CENPP: variants seen among roughly 807,000 people sequenced by gnomAD.
CENPP encodes centromere protein P.
Under a neutral mutation model 35.6 loss-of-function variants are expected in CENPP, and 24 were observed. The observed-to-expected ratio is 0.67, with a 90% CI of 0.49 to 0.95. CENPP has a LOEUF of 0.95. Ranked by LOEUF, CENPP falls within the 40% of genes least tolerant of loss-of-function variation. CENPP has a pLI of 0.00. For synonymous variants in CENPP, 120 were observed against 125.5 expected (o/e 0.96, Z 0.29); for missense variants, 332 against 345.3 (o/e 0.96, Z 0.31).
At chr9:92,325,893 T>C, upstream of CENPP, 2 of 922,124 alleles carry the variant, frequency 2.2e-6, no homozygotes, top group African/African-American at 1.7e-5. Context: ...GCGTGAGCTC[T>C]GGGATGGTCC....
chr9:92,575,902 T>C (rs1426944611), intron 5 of CENPP, among the ~76,000 whole-genome samples: 2 of 152,088 alleles, frequency 1.3e-5, no homozygotes, highest in Non-Finnish European at 2.9e-5. Flanking sequence ...CGCGCTGTTA[T>C]AGTAGGGATA....
At chr9:92,444,921 A>G (rs1323576991) in intron 5 of CENPP, among the ~76,000 whole-genome samples, 1 of 152,060 alleles carries the variant, frequency 6.6e-6, no homozygotes, top group Non-Finnish European at 1.5e-5. Context: ...CAGGCTGGGG[A>G]CCCTGGAGAG....
intron 5 of CENPP, among the ~76,000 whole-genome samples, chr9:92,502,884 T>G (rs1015832995): frequency 1.3e-5 from 2 of 148,530 alleles, no homozygotes; most frequent in African/African-American, 2.5e-5. Flanking sequence ...CATGGCTCAC[T>G]GCAGCCTTGA....
At chr9:92,457,580 CT>C in intron 5 of CENPP, 1 of 897,018 alleles carries the variant, frequency 1.1e-6, no homozygotes, top group Non-Finnish European at 1.7e-6. Context: ...GTTTATTCAT[CT>C]GTTTATTTTA....
chr9:92,465,111 A>G, intron 5 of CENPP: 1 of 928,024 alleles, frequency 1.1e-6, no homozygotes, highest in South Asian at 1.4e-5. Context: ...ACATCCCAAG[A>G]ATGAATATCC....
At position 92,465,130 on chromosome 9, in the gene CENPP, G is replaced by A. The variant is rs140658451; in HGVS notation, c.564+85271G>A. ...CCCAAGAATGAATATCCCAAGAAGCGTGAGCTTCATCCTTTAGGCTCATTT... is the reference window on the plus strand; with the variant it reads ...CCCAAGAATGAATATCCCAAGAAGCATGAGCTTCATCCTTTAGGCTCATTT... On this transcript the variant is annotated intron_variant, in intron 5 of 7. Transcript: ENST00000375587. 1.5e-4 allele frequency: 119 copies of A among 805,358 alleles called. No individual in the cohort carries two copies. In the African/African-American group the frequency reaches 1.7e-3, roughly 11 times the overall value. 49.9% of individuals were successfully genotyped at this position (805,358 alleles called of 1,614,324 possible).
intron 5 of CENPP, among the ~76,000 whole-genome samples, chr9:92,453,977 A>T (rs567982024): frequency 2.0e-5 from 3 of 152,270 alleles, no homozygotes; most frequent in African/African-American, 7.2e-5. Flanking sequence ...GAAAAAAAAA[A>T]AGTTTTTGTT....
intron 5 of CENPP, among the ~76,000 whole-genome samples, chr9:92,582,172 G>A (rs944271687): frequency 2.6e-5 from 4 of 151,972 alleles, no homozygotes; most frequent in Non-Finnish European, 5.9e-5. Flanking sequence ...TCCCACCTCC[G>A]CCTCCCAAGT....
At chr9:92,442,766 G>GAGGCAGGGGAATTGAT (rs1425227395) in intron 5 of CENPP, among the ~76,000 whole-genome samples, 11 of 149,570 alleles carry the variant, frequency 7.4e-5, no homozygotes, top group Admixed American at 2.0e-4. Context: ...GGAGAATGGC[G>GAGGCAGGGGAATTGAT]TGAACCCGGG....
chr9:92,444,128 GC>G (rs1844491598), intron 5 of CENPP, among the ~76,000 whole-genome samples: 1 of 152,044 alleles, frequency 6.6e-6, no homozygotes, highest in Non-Finnish European at 1.5e-5. Context: ...AATTTTCCTA[GC>G]CAGTCCTATA....
At chr9:92,403,841 T>A in intron 5 of CENPP, 1 of 261,954 alleles carries the variant, frequency 3.8e-6, no homozygotes, top group Non-Finnish European at 5.9e-6. Flanking sequence ...TCCACTTAGC[T>A]ACTTTATAAG....
chr9:92,502,773 T>C (rs563796535), intron 5 of CENPP: 2 of 766,452 alleles, frequency 2.6e-6, no homozygotes, highest in African/African-American at 1.8e-5. Context: ...GTCTTACTGC[T>C]CTTTCAAGTA....
At chr9:92,570,441 G>A (rs999145132) in intron 5 of CENPP, among the ~76,000 whole-genome samples, 1 of 152,140 alleles carries the variant, frequency 6.6e-6, no homozygotes, top group African/African-American at 2.4e-5. Context: ...CTTGATCATG[G>A]TGGATAAGCT....
chr9:92,562,643 A>G (rs909742751), intron 5 of CENPP, among the ~76,000 whole-genome samples: 2 of 152,024 alleles, frequency 1.3e-5, no homozygotes, highest in African/African-American at 4.8e-5. Flanking sequence ...TTTCCCTACA[A>G]TTTTCCTTCT....
intron 5 of CENPP, among the ~76,000 whole-genome samples, chr9:92,382,892 C>CATTT (rs1459666948): frequency 1.4e-5 from 1 of 69,812 alleles, no homozygotes; most frequent in Non-Finnish European, 2.7e-5. Context: ...CACTGTTTTC[C>CATTT]TTTTTTTTTT....
At chr9:92,495,741 TTACAG>T (rs1846313024) in intron 5 of CENPP, 1 of 931,964 alleles carries the variant, frequency 1.1e-6, no homozygotes, top group Non-Finnish European at 1.3e-6. Flanking sequence ...GAAATTAACA[TTACAG>T]TAGTGTTTTA....
At chr9:92,569,072 G>A (rs1322261823) in intron 5 of CENPP, among the ~76,000 whole-genome samples, 1 of 152,192 alleles carries the variant, frequency 6.6e-6, no homozygotes, top group Non-Finnish European at 1.5e-5. Context: ...CTGTGCAGAA[G>A]CACTTTAGTT....
At chr9:92,600,805 A>G (rs1012701375) in intron 5 of CENPP, among the ~76,000 whole-genome samples, 3 of 152,232 alleles carry the variant, frequency 2.0e-5, no homozygotes, top group Non-Finnish European at 4.4e-5. Flanking sequence ...CCCTGTGGAC[A>G]AGCAATCCTT....
At chr9:92,585,470 C>T (rs371767608) in intron 5 of CENPP, among the ~76,000 whole-genome samples, 5 of 152,092 alleles carry the variant, frequency 3.3e-5, no homozygotes, top group African/African-American at 9.7e-5. Flanking sequence ...CTGCTGTGAA[C>T]GTTCATGTGC....
Sources: gnomAD v4.1 joint callset for allele counts (sites outside exome capture counted in the v4.1 genomes callset) on GRCh38, gnomAD v4.1.1 for gene constraint, MANE v1.5 for transcripts, NCBI Gene and HGNC (gene_info 2026-07-23, HGNC 2026-07-21) for gene names.